Variants in SIX3 observed in about 807,000 individuals in gnomAD.
SIX3 encodes the protein homeobox protein SIX3.
Under a neutral mutation model 21.7 loss-of-function variants are expected in SIX3, and 2 were observed. The ratio of observed to expected loss-of-function variants is 0.09; its 90% CI spans 0.04 to 0.29. The LOEUF (loss-of-function observed/expected upper bound fraction) is 0.29. Ranked by LOEUF, SIX3 falls within the 10% of genes least tolerant of loss-of-function variation. SIX3 has a pLI of 1.00. For synonymous variants in SIX3, 243 were observed against 220.6 expected, an observed-to-expected ratio of 1.10 and a Z score of -0.90; for missense variants, 347 against 480.7, an observed-to-expected ratio of 0.72 and a Z score of 2.60.
Position 44,942,404 on chromosome 2 carries a change from G to A in SIX3, c.300G>A (p.Glu100=), listed in dbSNP as rs1391196667. 1.3e-6 allele frequency: 2 copies of A among 1,597,838 alleles called. No individual in the cohort carries two copies. Among genetic ancestry groups the A allele is most frequent in the Non-Finnish European group, 1.7e-6 (2 of 1,179,616 alleles). ...EQVASVCETL[E]ETGDIERLGR... ...TGGCCAGCGTCTGTGAGACGCTGGA[G>A]GAGACGGGCGACATCGAGCGGCTGG... Residue 100 remains glutamate (E), a synonymous_variant, in exon 1 of 2, where the codon GAG becomes GAA. Transcript: ENST00000260653. This position sits in a 1 kb window ranked among gnomAD's most constrained non-coding sequence, Gnocchi z 8.4.
At position 44,944,975 on chromosome 2, in the gene SIX3, A is replaced by G. The variant is rs1487789078; in HGVS notation, c.*215A>G. On this transcript the variant is annotated 3_prime_UTR_variant, in exon 2 of 2. Transcript: ENST00000260653. ...AACAAGAAAATAACAAATTAACCGC[A>G]AACTATCAACAACCCCCAACCACCA... 7 of 603,776 alleles carry G rather than the reference A, an allele frequency of 1.2e-5. No homozygotes were observed. The highest frequency in any genetic ancestry group is 2.1e-5 in the Non-Finnish European group (7 of 338,344). 37.4% of individuals were successfully genotyped at this position (603,776 alleles called of 1,614,324 possible).
At chr2:44,943,379 G>A (rs1427306669) in intron 1 of SIX3, among the ~76,000 whole-genome samples, 1 of 152,256 alleles carries the variant, frequency 6.6e-6, no homozygotes, top group Non-Finnish European at 1.5e-5. Flanking sequence ...AAAGGCCAGA[G>A]GCCACTGCGC....
Position 44,942,386 on chromosome 2 carries a change from C to T in SIX3, c.282C>T (p.Ser94=), listed in dbSNP as rs961762146. 2.5e-6 allele frequency: 4 copies of T among 1,597,002 alleles called. No individual in the cohort carries two copies. In the African/African-American group the frequency reaches 4.0e-5, roughly 16 times the overall value. The change falls in exon 1 of 2, where the codon AGC becomes AGT. Residue 94 remains serine, a synonymous_variant. Coordinates refer to ENST00000260653, the MANE Select transcript of SIX3 (RefSeq NM_005413.4). The surrounding 1 kb of genome is among the most constrained non-coding windows in gnomAD (Gnocchi z 8.4). ...TLNFSPEQVA[S]VCETLEETGD... ...ACTTCTCGCCGGAGCAGGTGGCCAG[C>T]GTCTGTGAGACGCTGGAGGAGACGG... is the stretch of plus-strand genomic sequence containing the variant.
rs191012035 is a variant in SIX3, at chr2:44,942,824, G to C, written c.720G>C (p.Ala240=). ...YPNPSKKREL[A]QATGLTPTQV... Reference sequence around the variant, plus strand: ...ACCCCAGCAAGAAACGCGAACTGGCGCAGGCCACCGGCCTCACTCCCACAC... The same window carrying C: ...ACCCCAGCAAGAAACGCGAACTGGCCCAGGCCACCGGCCTCACTCCCACAC... Residue 240 remains alanine, a synonymous_variant, in exon 1 of 2, where the codon GCG becomes GCC. Coordinates refer to ENST00000260653, the MANE Select transcript of SIX3 (RefSeq NM_005413.4). This position sits in a 1 kb window ranked among gnomAD's most constrained non-coding sequence, Gnocchi z 8.4. 1 of 1,599,534 alleles carries C rather than the reference G, an allele frequency of 6.3e-7. No homozygotes were observed. The highest frequency in any genetic ancestry group is 8.5e-7 in the Non-Finnish European group (1 of 1,179,924).
intron 1 of SIX3, among the ~76,000 whole-genome samples, chr2:44,943,479 G>A (rs1666623558): frequency 6.6e-6 from 1 of 152,240 alleles, no homozygotes; most frequent in Non-Finnish European, 1.5e-5. Context: ...GTGTGCGTGT[G>A]CGTGTGTGTG....
Position 44,943,319 on chromosome 2 carries a change from C to A in SIX3, c.806+409C>A, listed in dbSNP as rs1666618080. ...GCGTTGCAAAACCCCGAGAGAAATC[C>A]ACTAGCGTCAGAGAGAGGAAAGTGA... On this transcript the variant is annotated intron_variant, in intron 1 of 1. Coordinates refer to ENST00000260653, the MANE Select transcript of SIX3 (RefSeq NM_005413.4). 2.0e-5 allele frequency among the ~76,000 whole-genome samples: 3 copies of A among 152,236 alleles called. No individual in the cohort carries two copies. The South Asian group carries it at 6.2e-4, about 31-fold the overall frequency.
rs1666671233 is a variant in SIX3 at position 44,945,318 on chromosome 2, AAAAAAAAAAAAAAAAAAAGGACAGGGGG to A, written c.*574_*601del. 1 of 146,458 alleles carries A rather than the reference AAAAAAAAAAAAAAAAAAAGGACAGGGGG, an allele frequency of 6.8e-6. No individual in the cohort carries two copies. 9.1% of individuals were successfully genotyped at this position (146,458 alleles called of 1,614,324 possible). ...CTCCGTTCCGAATTTGTTAAAAAAA[AAAAAAAAAAAAAAAAAAAGGACAGGGGG>A]AAAAAAAAAAAAAAAGAACTCCTGG... On this transcript the variant is annotated 3_prime_UTR_variant, in exon 2 of 2. Transcript: ENST00000260653.
chr2:44,942,469 G>A lies in SIX3; in HGVS notation c.365G>A (p.Cys122Tyr). 1 of 1,598,118 alleles carries A rather than the reference G, an allele frequency of 6.3e-7. No homozygotes were observed. Among genetic ancestry groups the A allele is most frequent in the Non-Finnish European group, 8.5e-7 (1 of 1,179,672 alleles). The change falls in exon 1 of 2, where the codon TGC (cysteine) becomes TAC (tyrosine). Residue 122 changes from cysteine (C) to tyrosine (Y), a missense_variant. Physicochemically the swap from Cys to Tyr is radical, Grantham distance 194. Coordinates refer to ENST00000260653, the MANE Select transcript of SIX3 (RefSeq NM_005413.4). The surrounding 1 kb of genome is among the most constrained non-coding windows in gnomAD (Gnocchi z 8.4). ...TCGCTGCCCGTGGCCCCCGGGGCGT[G>A]CGAGGCCATCAACAAACACGAGTCG... ...LWSLPVAPGACEAINKHESIL... is the reference protein window; with the variant it reads ...LWSLPVAPGAYEAINKHESIL...
chr2:44,943,393 G>A (rs999308612), intron 1 of SIX3, among the ~76,000 whole-genome samples: 1 of 152,228 alleles, frequency 6.6e-6, no homozygotes, highest in African/African-American at 2.4e-5. Flanking sequence ...ACTGCGCAGC[G>A]GGCCTGTTTC....
At chr2:44,944,266 G>T (rs1305660936) in intron 1 of SIX3, among the ~76,000 whole-genome samples, 2 of 152,246 alleles carry the variant, frequency 1.3e-5, no homozygotes, top group African/African-American at 2.4e-5. Context: ...CAGGGACGGG[G>T]TTACTAGGGG....
In SIX3 at chr2:44,942,350, G is replaced by T. The variant is rs752510117; in HGVS notation, c.246G>T (p.Leu82=). 13 of 1,597,100 alleles carry T rather than the reference G, an allele frequency of 8.1e-6. No homozygotes were observed. The highest frequency in any genetic ancestry group is 1.7e-5 in the Admixed American group (1 of 59,938). ...APPEELSMFQ[L]PTLNFSPEQV... Reference sequence around the variant, plus strand: ...CGGAAGAGTTGTCCATGTTCCAGCTGCCCACCCTCAACTTCTCGCCGGAGC... The same window carrying T: ...CGGAAGAGTTGTCCATGTTCCAGCTTCCCACCCTCAACTTCTCGCCGGAGC... Residue 82 remains leucine, a synonymous_variant, in exon 1 of 2, where the codon CTG becomes CTT. Coordinates refer to ENST00000260653, the MANE Select transcript of SIX3 (RefSeq NM_005413.4). This position sits in a 1 kb window ranked among gnomAD's most constrained non-coding sequence, Gnocchi z 8.4.
At position 44,942,290 on chromosome 2, in the gene SIX3, AGGCGGCGGC is replaced by A. The variant is rs555285206; in HGVS notation, c.199_207del (p.Gly67_Gly69del). On this transcript the variant is annotated inframe_deletion, in exon 1 of 2. Coordinates refer to ENST00000260653, the MANE Select transcript of SIX3 (RefSeq NM_005413.4). The surrounding 1 kb of genome is among the most constrained non-coding windows in gnomAD (Gnocchi z 8.4). ...CGGGAGGCGGCGGTGCTGGCGGAGC[AGGCGGCGGC>A]GGCGGCGGCGGCTCCAGGGCCCCCC... is the stretch of plus-strand genomic sequence containing the variant. 7.8e-5 allele frequency: 122 copies of A among 1,556,088 alleles called. No homozygotes were observed. Among genetic ancestry groups the A allele is most frequent in the Non-Finnish European group, 9.1e-5 (105 of 1,158,012 alleles).
In SIX3 at chr2:44,942,060, T is replaced by G. The variant is rs1482760700; in HGVS notation, c.-45T>G. 1 of 1,479,176 alleles carries G rather than the reference T, an allele frequency of 6.8e-7. No homozygotes were observed. The highest frequency in any genetic ancestry group is 1.4e-5 in the African/African-American group (1 of 70,980). 91.6% of individuals were successfully genotyped at this position (1,479,176 alleles called of 1,614,324 possible). A position where few individuals can be genotyped will look rare whatever the true frequency, so the allele number is the denominator to read the frequency against. ...CCCCTCTCCTCCTCTTCCTCCCCTC[T>G]CTCTTCCTCTCCCTGAATTTTCTCC... On this transcript the variant is annotated 5_prime_UTR_variant, in exon 1 of 2. Transcript: ENST00000260653. The surrounding 1 kb of genome is among the most constrained non-coding windows in gnomAD (Gnocchi z 8.4).
At position 44,941,979 on chromosome 2, in the gene SIX3, C is replaced by T; in HGVS notation, c.-126C>T. 1.5e-6 allele frequency: 1 copy of T among 666,352 alleles called. No homozygotes were observed. Among genetic ancestry groups the T allele is most frequent in the South Asian group, 1.4e-5 (1 of 69,464 alleles). 41.3% of individuals were successfully genotyped at this position (666,352 alleles called of 1,614,324 possible). ...TCCTCTCCCTCCTCCTCCTGCTCCC[C>T]CCTCCTTTCCTTCTCCTCCTCCCCC... On this transcript the variant is annotated 5_prime_UTR_variant, in exon 1 of 2. Coordinates refer to ENST00000260653, the MANE Select transcript of SIX3 (RefSeq NM_005413.4).
Position 44,943,113 on chromosome 2 carries a change from G to T in SIX3, c.806+203G>T, listed in dbSNP as rs1666612475. On this transcript the variant is annotated intron_variant, in intron 1 of 1. Coordinates refer to ENST00000260653, the MANE Select transcript of SIX3 (RefSeq NM_005413.4). ...TGTATTGATTGCTTTGACCAAGAGG[G>T]GCTTTCGTCAGGGCAGAGAGTGTGT... 2.0e-5 allele frequency among the ~76,000 whole-genome samples: 3 copies of T among 152,220 alleles called. No individual in the cohort carries two copies. In the South Asian group the frequency reaches 6.2e-4, roughly 32 times the overall value.
At position 44,944,837 on chromosome 2, in the gene SIX3, TTCCTCCTCTTCCTTC is replaced by T; in HGVS notation, c.*86_*100del. 4 of 1,256,530 alleles carry T rather than the reference TTCCTCCTCTTCCTTC, an allele frequency of 3.2e-6. No individual in the cohort carries two copies. The highest frequency in any genetic ancestry group is 4.5e-6 in the Non-Finnish European group (4 of 896,970). 77.8% of individuals were successfully genotyped at this position (1,256,530 alleles called of 1,614,324 possible). ...CCTCCGCCTCCTAGCCCTCCTCCTCTTCCTCCTCTTCCTTCTCCTCCTCCATCCCCAGAACAAACC... is the reference window on the plus strand; with the variant it reads ...CCTCCGCCTCCTAGCCCTCCTCCTCTTCCTCCTCCATCCCCAGAACAAACC... On this transcript the variant is annotated 3_prime_UTR_variant, in exon 2 of 2. Transcript: ENST00000260653.
chr2:44,945,259 A>C lies in SIX3; in HGVS notation c.*499A>C, dbSNP rs1666669759. 6.7e-6 allele frequency: 1 copy of C among 149,880 alleles called. No individual in the cohort carries two copies. Among genetic ancestry groups the C allele is most frequent in the African/African-American group, 2.5e-5 (1 of 40,446 alleles). 9.3% of individuals were successfully genotyped at this position (149,880 alleles called of 1,614,324 possible). A position where few individuals can be genotyped will look rare whatever the true frequency, so the allele number is the denominator to read the frequency against. ...CACCACCACGAGGACAAGAGGGCAA[A>C]AGCAAAACAGACAAAAAGAAAAAAA... On this transcript the variant is annotated 3_prime_UTR_variant, in exon 2 of 2. Coordinates refer to ENST00000260653, the MANE Select transcript of SIX3 (RefSeq NM_005413.4).
At chr2:44,944,085 C>T (rs747939828) in intron 1 of SIX3, among the ~76,000 whole-genome samples, 1 of 152,200 alleles carries the variant, frequency 6.6e-6, no homozygotes, top group Non-Finnish European at 1.5e-5. Flanking sequence ...TCTCCTTTGC[C>T]CCTTTTCTGT....
Position 44,943,036 on chromosome 2 carries a change from A to G in SIX3, c.806+126A>G. 2.1e-6 allele frequency: 3 copies of G among 1,424,228 alleles called. No homozygotes were observed. The South Asian group carries it at 4.4e-5, about 21-fold the overall frequency. The allele number at this position is 1,424,228 out of a possible 1,614,324, so 88.2% of individuals were successfully genotyped here. On this transcript the variant is annotated intron_variant, in intron 1 of 1. Coordinates refer to ENST00000260653, the MANE Select transcript of SIX3 (RefSeq NM_005413.4). ...GCCGTGACTCCTGGCCAGTCGGAGAAAGTTTCCGCTTGTCCGGGACGCGCG... is the reference window on the plus strand; with the variant it reads ...GCCGTGACTCCTGGCCAGTCGGAGAGAGTTTCCGCTTGTCCGGGACGCGCG...
Sources: gnomAD v4.1 joint callset for allele counts (sites outside exome capture counted in the v4.1 genomes callset) on GRCh38, gnomAD v4.1.1 for gene constraint, Gnocchi (gnomAD v3.1) non-coding constraint, MANE v1.5 for transcripts, NCBI Gene and HGNC (gene_info 2026-07-23, HGNC 2026-07-21) for gene names.